The following SLC22A16 variants were observed in gnomAD, a reference collection of about 807,000 sequenced individuals.
The protein encoded by SLC22A16 is solute carrier family 22 member 16.
A neutral mutation model predicts 52.9 loss-of-function variants in SLC22A16; 53 were observed. The ratio of observed to expected loss-of-function variants is 1.00; its 90% confidence interval spans 0.80 to 1.26. The LOEUF (loss-of-function observed/expected upper bound fraction) is 1.26, where lower values mean the gene tolerates loss of function less well. Ranked by LOEUF, SLC22A16 falls within the 50% of genes most tolerant of loss-of-function variation. The probability of loss-of-function intolerance (pLI) is 0.00; values close to 1 mark genes in which losing one functional copy is unlikely to be tolerated. For missense variants in SLC22A16, 726 were observed against 704.0 expected, an observed-to-expected ratio of 1.03 and a Z score of -0.35; for synonymous variants, 291 against 268.8, an observed-to-expected ratio of 1.08 and a Z score of -0.81.
intron 2 of SLC22A16, chr6:110,453,840 C>A: frequency 2.5e-6 from 1 of 392,680 alleles, no homozygotes; most frequent in Non-Finnish European, 5.0e-6. Context: ...AGGGTACTGG[C>A]TTCTTGCAAG....
intron 1 of SLC22A16, among the ~76,000 whole-genome samples, chr6:110,462,656 T>C (rs1166138429): frequency 1.3e-5 from 2 of 152,166 alleles, no homozygotes; most frequent in African/African-American, 2.4e-5. Flanking sequence ...GTATGACTTA[T>C]ATGTAATCCT....
At position 110,476,553 on chromosome 6, in the gene SLC22A16, C is replaced by T. The variant is rs1272718304; in HGVS notation, c.22G>A (p.Gly8Arg). The change falls in exon 1 of 8, where the codon GGG (glycine) becomes AGG (arginine). Residue 8 changes from glycine to arginine, a missense_variant. By Grantham distance (125) the Gly-to-Arg change is moderately radical. Transcript: ENST00000368919. MGSRHFEGIYDHVGHFGR... is the reference protein window; with the variant it reads MGSRHFERIYDHVGHFGR... ...AAGTGCCCCACGTGGTCATAAATCC[C>T]CTCGAAGTGGCGGGACCCCATGGTG... The T allele has an allele frequency of 1.9e-6, 3 of 1,539,306 alleles. No individual in the cohort carries two copies. Among genetic ancestry groups the T allele is most frequent in the African/African-American group, 2.9e-5 (2 of 69,186 alleles).
intron 1 of SLC22A16, among the ~76,000 whole-genome samples, chr6:110,458,825 T>C (rs913677864): frequency 6.6e-6 from 1 of 152,190 alleles, no homozygotes; most frequent in African/African-American, 2.4e-5. Flanking sequence ...TCAGAGCTCC[T>C]GGTTCTTGGG....
intron 1 of SLC22A16, among the ~76,000 whole-genome samples, chr6:110,463,883 G>T (rs1435981332): frequency 6.6e-6 from 1 of 150,950 alleles, no homozygotes; most frequent in Non-Finnish European, 1.5e-5. Flanking sequence ...TTCACCATAT[G>T]CTTGCCCATA....
intron 1 of SLC22A16, among the ~76,000 whole-genome samples, chr6:110,464,326 C>T (rs1775991188): frequency 2.0e-5 from 3 of 151,460 alleles, no homozygotes; most frequent in Admixed American, 1.3e-4. Context: ...TAAATTGAAA[C>T]CAAAAAAATC....
At chr6:110,468,667 GAGA>G (rs147010194) in intron 1 of SLC22A16, among the ~76,000 whole-genome samples, 58 of 148,902 alleles carry the variant, frequency 3.9e-4, no homozygotes, top group African/African-American at 1.2e-3. Context: ...AAACAAAATG[GAGA>G]AGAAGAAGAA....
chr6:110,444,698 C>T (rs1381763671), intron 3 of SLC22A16, among the ~76,000 whole-genome samples: 1 of 152,170 alleles, frequency 6.6e-6, no homozygotes, highest in African/African-American at 2.4e-5. Context: ...CAGGGAGGTG[C>T]TTGATGAGGA....
intron 1 of SLC22A16, chr6:110,476,209 GATCTCCA>G (rs529677036): frequency 5.6e-6 from 4 of 712,682 alleles, no homozygotes; most frequent in Non-Finnish European, 8.3e-6. Flanking sequence ...CCTCGAGCCA[GATCTCCA>G]GCCAGATGCC....
chr6:110,469,102 A>G (rs1390599629), intron 1 of SLC22A16, among the ~76,000 whole-genome samples: 1 of 152,152 alleles, frequency 6.6e-6, no homozygotes, highest in Non-Finnish European at 1.5e-5. Flanking sequence ...GTCTGCTTCT[A>G]TTGCACAGAT....
chr6:110,444,320 A>T (rs758967095), intron 3 of SLC22A16, among the ~76,000 whole-genome samples: 28 of 152,292 alleles, frequency 1.8e-4, no homozygotes, highest in Admixed American at 3.9e-4. Flanking sequence ...AAATTTTTTC[A>T]TATTTGACTT....
intron 6 of SLC22A16, 145 bp from the exon 7 acceptor site, chr6:110,431,415 G>C (rs750328221): frequency 3.2e-6 from 2 of 630,580 alleles, no homozygotes; most frequent in Non-Finnish European, 5.6e-6. Flanking sequence ...AGTCAACCTC[G>C]GTGGCCCCGC....
intron 1 of SLC22A16, among the ~76,000 whole-genome samples, chr6:110,471,678 T>C (rs1776265178): frequency 6.6e-6 from 1 of 152,106 alleles, no homozygotes; most frequent in African/African-American, 2.4e-5. Flanking sequence ...GTAAGGACAG[T>C]AGTGAGCTTG....
rs557326655 is a variant in SLC22A16, at chr6:110,436,084, C to A, written c.1312-123G>T. 21 of 642,522 alleles carry A rather than the reference C, an allele frequency of 3.3e-5. No homozygotes were observed. The South Asian group carries it at 4.2e-4, about 13-fold the overall frequency. 39.8% of individuals were successfully genotyped at this position (642,522 alleles called of 1,614,324 possible). A position where few individuals can be genotyped will look rare whatever the true frequency, so the allele number is the denominator to read the frequency against. On this transcript the variant is annotated intron_variant, in intron 5 of 7. Coordinates refer to ENST00000368919, the MANE Select transcript of SLC22A16 (RefSeq NM_033125.4). ...AGTATTTTTTCAGAACAATGAAGAC[C>A]CTTATTTTTCTGTTTGAATGTATTA...
At chr6:110,460,700 G>A (rs1775845921) in intron 1 of SLC22A16, among the ~76,000 whole-genome samples, 1 of 152,176 alleles carries the variant, frequency 6.6e-6, no homozygotes, top group South Asian at 2.1e-4. Flanking sequence ...CACCTGTTCT[G>A]AGCCACTGCC....
intron 3 of SLC22A16, among the ~76,000 whole-genome samples, chr6:110,445,879 C>G (rs1184407864): frequency 6.6e-6 from 1 of 152,128 alleles, no homozygotes; most frequent in Non-Finnish European, 1.5e-5. Context: ...ATTTAAAACT[C>G]TTTACATTCC....
chr6:110,467,952 G>T (rs1776128199), intron 1 of SLC22A16, among the ~76,000 whole-genome samples: 1 of 152,190 alleles, frequency 6.6e-6, no homozygotes, highest in African/African-American at 2.4e-5. Context: ...AGTCCTCACA[G>T]ATAACTGCCA....
intron 7 of SLC22A16, among the ~76,000 whole-genome samples, chr6:110,427,247 C>CAAAAA (rs71018390): frequency 9.9e-5 from 6 of 60,572 alleles, no homozygotes; most frequent in Non-Finnish European, 1.8e-4. Flanking sequence ...GACCCAATCT[C>CAAAAA]AAAAAAAAAA....
At chr6:110,469,253 G>A (rs1776179515) in intron 1 of SLC22A16, among the ~76,000 whole-genome samples, 1 of 152,190 alleles carries the variant, frequency 6.6e-6, no homozygotes, top group Non-Finnish European at 1.5e-5. Context: ...CTTAGGCCGG[G>A]CGCAGTGGCT....
At chr6:110,455,469 A>T (rs1431894644) in intron 2 of SLC22A16, 1 of 152,158 alleles carries the variant, frequency 6.6e-6, no homozygotes, top group Non-Finnish European at 1.5e-5. Context: ...GGTATACCTC[A>T]AGGGCAGGGA....
Sources: allele counts gnomAD v4.1 joint callset (sites outside exome capture counted in the v4.1 genomes callset), GRCh38; gene constraint gnomAD v4.1.1; transcripts MANE v1.5; gene names NCBI Gene and HGNC (gene_info 2026-07-23, HGNC 2026-07-21).